EVC: variants seen among roughly 807,000 people sequenced by gnomAD.
EVC encodes the protein evC complex member EVC.
In EVC, 116 loss-of-function variants were observed where a neutral mutation model predicts 118.9. The observed-to-expected ratio is 0.98, with a 90% confidence interval of 0.84 to 1.14. The LOEUF (loss-of-function observed/expected upper bound fraction) is 1.14. Ranked by LOEUF, EVC falls within the 50% of genes most tolerant of loss-of-function variation. The pLI, the probability that EVC is intolerant of heterozygous loss-of-function variation, is 0.00. For synonymous variants in EVC, 619 were observed against 534.7 expected (o/e 1.16, Z -2.18); for missense variants, 1,401 against 1,246.4 (o/e 1.12, Z -1.87).
chr4:5,825,659 C>T, the EVC span: 1 of 1,612,616 alleles, frequency 6.2e-7, no homozygotes, highest in African/African-American at 1.3e-5. This position sits in a 1 kb window ranked among gnomAD's most constrained non-coding sequence, Gnocchi z 4.4. Flanking sequence ...AATCCAAAAA[C>T]CTAAACAGAG....
rs567618236 is a variant in EVC at position 5,798,027 on chromosome 4, C to T, written c.2098-559C>T. ...GCTGCTCTTTGACCCATGAATGAGG[C>T]ACAAGCCCACAGTCTCTTAAGCTCT... On this transcript the variant is annotated intron_variant, in intron 14 of 20. Coordinates refer to ENST00000264956, the MANE Select transcript of EVC (RefSeq NM_153717.3). The surrounding 1 kb of genome is among the most constrained non-coding windows in gnomAD (Gnocchi z 4.1). Among the ~76,000 whole-genome samples the T allele has an allele frequency of 6.6e-6, 1 of 152,330 alleles. No individual in the cohort carries two copies. The highest frequency in any genetic ancestry group is 2.1e-4 in the South Asian group (1 of 4,830).
chr4:5,824,699 A>C, the EVC span: 11 of 974,226 alleles, frequency 1.1e-5, no homozygotes, highest in Non-Finnish European at 1.3e-5. Context: ...CTTAGCTTAC[A>C]AAGCCTAAAG....
chr4:5,825,540 C>A, the EVC span: 1 of 1,592,426 alleles, frequency 6.3e-7, no homozygotes, highest in Non-Finnish European at 8.5e-7. The surrounding 1 kb of genome is among the most constrained non-coding windows in gnomAD (Gnocchi z 4.4). Context: ...TGGGTGGGGG[C>A]TGGTGTTTAG....
In EVC at chr4:5,755,070, T is replaced by G. The variant is rs1243802542; in HGVS notation, c.1464+1137T>G. 1.3e-5 allele frequency among the ~76,000 whole-genome samples: 2 copies of G among 151,916 alleles called. No homozygotes were observed. The highest frequency in any genetic ancestry group is 6.6e-5 in the Admixed American group (1 of 15,262). On this transcript the variant is annotated intron_variant, in intron 10 of 20. Coordinates refer to ENST00000264956, the MANE Select transcript of EVC (RefSeq NM_153717.3). This position sits in a 1 kb window ranked among gnomAD's most constrained non-coding sequence, Gnocchi z 4.1. ...CCTCTAGGTCCCTGGTCCAGCTGCC[T>G]CCCTCACCCAGGGGGCCTCTTCCAG...
rs78753610 is a variant in EVC at position 5,723,147 on chromosome 4, C to T, written c.300+3774C>T. Among the ~76,000 whole-genome samples the T allele has an allele frequency of 2.6e-3, 402 of 151,950 alleles. 1 individual carries two copies. Among genetic ancestry groups the T allele is most frequent in the African/African-American group, 8.6e-3 (356 of 41,436 alleles). The stretch of plus-strand genomic sequence containing the variant: ...CCGGCTCCTCCATCCCCAGGTGCTG[C>T]GCCTACAGGTCTTGGGTGGACCCAG... On this transcript the variant is annotated intron_variant, in intron 2 of 20. Transcript: ENST00000264956.
intron 12 of EVC, among the ~76,000 whole-genome samples, chr4:5,786,257 T>C (rs555981943): frequency 6.6e-6 from 1 of 152,306 alleles, no homozygotes; most frequent in East Asian, 1.9e-4. Context: ...CATTTAATGG[T>C]ATTGATAGTG....
intron 17 of EVC, among the ~76,000 whole-genome samples, chr4:5,806,883 G>A (rs886823061): frequency 1.1e-4 from 16 of 152,204 alleles, no homozygotes. Flanking sequence ...CATTCTAACT[G>A]GGGTAAGATG....
In EVC at chr4:5,719,319, A is replaced by G. The variant is rs144606687; in HGVS notation, c.246A>G (p.Pro82=). The G allele has an allele frequency of 1.1e-5, 17 of 1,614,106 alleles. No homozygotes were observed. Among genetic ancestry groups the G allele is most frequent in the Non-Finnish European group, 1.3e-5 (15 of 1,180,042 alleles). The change falls in exon 2 of 21, where the codon CCA becomes CCG. Residue 82 remains proline, a synonymous_variant. Coordinates refer to ENST00000264956, the MANE Select transcript of EVC (RefSeq NM_153717.3). This position sits in a 1 kb window ranked among gnomAD's most constrained non-coding sequence, Gnocchi z 4.7. ...AGACCCCCTCGGAAACTGGCTCCCC[A>G]TCAAGGAGGAGGAAGAGAGAAGTGC... ...NAQTPSETGS[P]SRRRKREVQM...
In EVC at chr4:5,761,988, G is replaced by C. The variant is rs577660937; in HGVS notation, c.1563+5626G>C. Among the ~76,000 whole-genome samples, 8 of 150,916 alleles carry C rather than the reference G, an allele frequency of 5.3e-5. No homozygotes were observed. In the South Asian group the frequency reaches 1.5e-3, roughly 28 times the overall value. On this transcript the variant is annotated intron_variant, in intron 11 of 20. Transcript: ENST00000264956. ...ACATATGTATACCTGTGCCATGCTG[G>C]TGCGCTGCACCCACTAACTCGTCAT...
chr4:5,772,655 T>TG (rs1734159729), intron 11 of EVC, among the ~76,000 whole-genome samples: 1 of 152,090 alleles, frequency 6.6e-6, no homozygotes, highest in Admixed American at 6.5e-5. Context: ...GCCTGACCTA[T>TG]GACGCTTCCA....
At chr4:5,744,356 T>C (rs550824048) in intron 6 of EVC, among the ~76,000 whole-genome samples, 26 of 152,338 alleles carry the variant, frequency 1.7e-4, no homozygotes, top group African/African-American at 6.3e-4. Context: ...ATATCAATGT[T>C]ATTTTTCCTA....
Position 5,719,429 on chromosome 4 carries a change from C to A in EVC, c.300+56C>A. On this transcript the variant is annotated intron_variant, in intron 2 of 20. Transcript: ENST00000264956. This position sits in a 1 kb window ranked among gnomAD's most constrained non-coding sequence, Gnocchi z 4.7. ...GGCACATGTGGGAGGTGGGGTATTC[C>A]CCCTGGAAGCCGGGTGTCATGTAGA... 1 of 1,612,492 alleles carries A rather than the reference C, an allele frequency of 6.2e-7. No homozygotes were observed. The highest frequency in any genetic ancestry group is 1.1e-5 in the South Asian group (1 of 90,964).
intron 2 of EVC, among the ~76,000 whole-genome samples, chr4:5,720,924 A>C (rs1577329148): frequency 7.0e-6 from 1 of 143,140 alleles, no homozygotes; most frequent in Non-Finnish European, 1.5e-5. Context: ...TCTCCCTCCA[A>C]ACACTGATTG....
At chr4:5,770,595 C>G (rs564384670) in intron 11 of EVC, among the ~76,000 whole-genome samples, 8 of 152,184 alleles carry the variant, frequency 5.3e-5, no homozygotes, top group Non-Finnish European at 7.3e-5. Context: ...GGAATGTGCC[C>G]TCCTTGATGG....
rs541542742 is a variant in EVC at position 5,766,973 on chromosome 4, C to T, written c.1563+10611C>T. ...CTGCATTCCTTTGGAGGAGGAGAGGCGCTCTGCTTTTTAGAGTTTCCAGTT... is the reference window on the plus strand; with the variant it reads ...CTGCATTCCTTTGGAGGAGGAGAGGTGCTCTGCTTTTTAGAGTTTCCAGTT... On this transcript the variant is annotated intron_variant, in intron 11 of 20. Transcript: ENST00000264956. Among the ~76,000 whole-genome samples the T allele has an allele frequency of 9.9e-4, 150 of 151,690 alleles. 1 individual carries two copies. Among genetic ancestry groups the T allele is most frequent in the African/African-American group, 2.6e-3 (109 of 41,348 alleles).
intron 1 of EVC, among the ~76,000 whole-genome samples, chr4:5,716,358 T>C (rs184198266): frequency 1.6e-4 from 24 of 152,262 alleles, no homozygotes; most frequent in Non-Finnish European, 2.8e-4. Flanking sequence ...AGGTCAGAGG[T>C]AGATTCAAAG....
At chr4:5,799,525 G>T (rs539410136) in intron 15 of EVC, among the ~76,000 whole-genome samples, 1 of 152,306 alleles carries the variant, frequency 6.6e-6, no homozygotes, top group Non-Finnish European at 1.5e-5. Context: ...AGAATGACCA[G>T]CATACACGCT....
intron 12 of EVC, among the ~76,000 whole-genome samples, chr4:5,788,853 A>G (rs908886591): frequency 2.0e-5 from 3 of 152,110 alleles, no homozygotes; most frequent in Non-Finnish European, 4.4e-5. Context: ...AGCCCAACAC[A>G]AATTCATAAA....
intron 11 of EVC, among the ~76,000 whole-genome samples, chr4:5,761,736 T>C (rs1732054154): frequency 1.3e-5 from 2 of 151,766 alleles, no homozygotes; most frequent in South Asian, 2.1e-4. Flanking sequence ...TGTTTAGTCC[T>C]TAGGGAAGAA....
Sources: allele counts gnomAD v4.1 joint callset (sites outside exome capture counted in the v4.1 genomes callset), GRCh38; gene constraint gnomAD v4.1.1; non-coding constraint Gnocchi (gnomAD v3.1); transcripts MANE v1.5; gene names NCBI Gene and HGNC (gene_info 2026-07-23, HGNC 2026-07-21).